PPFIBP2: variants seen among roughly 807,000 people sequenced by gnomAD.
PPFIBP2 encodes the protein PPFIB scaffold protein 2.
A neutral mutation model predicts 118.3 loss-of-function variants in PPFIBP2; 118 were observed. The observed-to-expected ratio is 1.00, with a 90% confidence interval of 0.86 to 1.16. The LOEUF (loss-of-function observed/expected upper bound fraction) is 1.16. Ranked by LOEUF, PPFIBP2 falls within the 50% of genes most tolerant of loss-of-function variation. The pLI, the probability that PPFIBP2 is intolerant of heterozygous loss-of-function variation, is 0.00. For missense variants in PPFIBP2, 1,195 were observed against 1,073.1 expected (o/e 1.11, Z -1.59); for synonymous variants, 414 against 397.4 (o/e 1.04, Z -0.50).
At chr11:7,559,649 G>T (rs1464435924) in intron 2 of PPFIBP2, among the ~76,000 whole-genome samples, 1 of 152,146 alleles carries the variant, frequency 6.6e-6, no homozygotes, top group Non-Finnish European at 1.5e-5. Context: ...TTAGCATACT[G>T]CAAGCTTCCC....
chr11:7,594,110 A>G lies in PPFIBP2; in HGVS notation c.372+886A>G, dbSNP rs1299805272. ...CTATGGGCTTTAGCTTGGAGCACTAAGGTTATGAGGTGGCAGTGTGTTTGT... is the reference window on the plus strand; with the variant it reads ...CTATGGGCTTTAGCTTGGAGCACTAGGGTTATGAGGTGGCAGTGTGTTTGT... On this transcript the variant is annotated intron_variant, in intron 4 of 23. Coordinates refer to ENST00000299492, the MANE Select transcript of PPFIBP2 (RefSeq NM_003621.5). 3.3e-4 allele frequency among the ~76,000 whole-genome samples: 50 copies of G among 152,132 alleles called. 1 individual carries two copies. Among genetic ancestry groups the G allele is most frequent in the Admixed American group, 3.3e-3 (50 of 15,272 alleles).
At chr11:7,527,909 C>T (rs1298724789) in intron 1 of PPFIBP2, among the ~76,000 whole-genome samples, 1 of 152,142 alleles carries the variant, frequency 6.6e-6, no homozygotes, top group Non-Finnish European at 1.5e-5. Flanking sequence ...ATGAAGTACC[C>T]ATCATGCATC....
chr11:7,551,099 G>T (rs995057444), intron 2 of PPFIBP2, among the ~76,000 whole-genome samples: 6 of 152,070 alleles, frequency 3.9e-5, no homozygotes, highest in African/African-American at 1.4e-4. Flanking sequence ...CTGGAATACA[G>T]ATGTCCTGTT....
chr11:7,544,642 C>T lies in PPFIBP2; in HGVS notation c.-36-4798C>T, dbSNP rs142111257. ...ACAGAAAATTAGCCAGGCGTGGTGG[C>T]GGGCACCTGTAGTCCTAGCTACTCG... is the stretch of plus-strand genomic sequence containing the variant. On this transcript the variant is annotated intron_variant, in intron 1 of 23. Coordinates refer to ENST00000299492, the MANE Select transcript of PPFIBP2 (RefSeq NM_003621.5). Among the ~76,000 whole-genome samples, 718 of 151,870 alleles carry T rather than the reference C, an allele frequency of 4.7e-3. 11 individuals are homozygous for T. The highest frequency in any genetic ancestry group is 0.016 in the African/African-American group (679 of 41,380).
At chr11:7,655,563 G>A, downstream of PPFIBP2, 1 of 1,212,078 alleles carries the variant, frequency 8.3e-7, no homozygotes, top group Non-Finnish European at 1.1e-6. Context: ...GTTTGGTGTG[G>A]TGTGGTGTGG....
chr11:7,652,616 C>A (rs532494930), intron 23 of PPFIBP2, among the ~76,000 whole-genome samples: 1 of 152,200 alleles, frequency 6.6e-6, no homozygotes, highest in Admixed American at 6.5e-5. Context: ...CTATCCTACG[C>A]GCCTTTAGAT....
rs1860378921 is a variant in PPFIBP2, at chr11:7,596,681, AC to A, written c.373-877del. On this transcript the variant is annotated intron_variant, in intron 4 of 23. Transcript: ENST00000299492. ...CTATATGTAAATGGCAACAACTCTAACCAAAAAGGTCTAAAGGATCTCAGTT... is the reference window on the plus strand; with the variant it reads ...CTATATGTAAATGGCAACAACTCTAACAAAAAGGTCTAAAGGATCTCAGTT... 2.0e-5 allele frequency among the ~76,000 whole-genome samples: 3 copies of A among 152,214 alleles called. No homozygotes were observed. In the South Asian group the frequency reaches 6.2e-4, roughly 32 times the overall value.
chr11:7,528,041 T>C (rs1465245571), intron 1 of PPFIBP2, among the ~76,000 whole-genome samples: 1 of 152,124 alleles, frequency 6.6e-6, no homozygotes, highest in East Asian at 1.9e-4. Context: ...AGGTGGTGAG[T>C]GGCCAAAATA....
intron 10 of PPFIBP2, among the ~76,000 whole-genome samples, 194 bp from the exon 11 acceptor site, chr11:7,630,731 G>A (rs551731848): frequency 5.3e-5 from 8 of 152,166 alleles, no homozygotes; most frequent in Non-Finnish European, 5.9e-5. Flanking sequence ...GATAAACTTT[G>A]ACCTTGAAAT....
Position 7,650,965 on chromosome 11 carries a change from T to C in PPFIBP2, c.2247T>C (p.Ile749=). The change falls in exon 22 of 24, where the codon ATT becomes ATC. Residue 749 remains isoleucine (I), a splice_region_variant and synonymous_variant. Transcript: ENST00000299492. ...GGAGTGGAGTCCATGGAGGCCTCAT[T>C]GTGAGTGGCTCTCTGGCCTAGCCCA... is the stretch of plus-strand genomic sequence containing the variant. The part of the protein sequence containing the change: ...LRGSGVHGGL[I]ILEPRFTGDT... 6.2e-7 allele frequency: 1 copy of C among 1,612,856 alleles called. No individual in the cohort carries two copies. The highest frequency in any genetic ancestry group is 2.2e-5 in the East Asian group (1 of 44,876).
chr11:7,599,337 C>T (rs1194612030), intron 5 of PPFIBP2, among the ~76,000 whole-genome samples: 1 of 152,122 alleles, frequency 6.6e-6, no homozygotes, highest in Admixed American at 6.5e-5. Flanking sequence ...CGGAAGGGAA[C>T]GTGTCAGAAG....
intron 2 of PPFIBP2, among the ~76,000 whole-genome samples, chr11:7,562,414 C>T (rs1564975625): frequency 6.6e-6 from 1 of 152,196 alleles, no homozygotes; most frequent in African/African-American, 2.4e-5. Context: ...GAGTGAGTGG[C>T]CTGATACAAT....
chr11:7,656,835 G>C (rs1400531595), downstream of PPFIBP2: 1 of 1,284,544 alleles, frequency 7.8e-7, no homozygotes, highest in Admixed American at 2.3e-5. Flanking sequence ...AGGCATGTGT[G>C]GGGGCCCCGG....
At chr11:7,570,291 A>T (rs143341116) in intron 3 of PPFIBP2, among the ~76,000 whole-genome samples, 21 of 152,324 alleles carry the variant, frequency 1.4e-4, no homozygotes, top group African/African-American at 5.1e-4. Flanking sequence ...GCTGATACAC[A>T]GTGTTGATTC....
chr11:7,657,267 C>T (rs1590845862), downstream of PPFIBP2: 1 of 161,118 alleles, frequency 6.2e-6, no homozygotes, highest in East Asian at 1.8e-4. Context: ...GGGGCTGCTT[C>T]ACAGAACGTG....
downstream of PPFIBP2, among the ~76,000 whole-genome samples, chr11:7,660,408 G>A (rs535649769): frequency 2.6e-5 from 1 of 38,982 alleles, no homozygotes; most frequent in South Asian, 8.6e-4. Flanking sequence ...TGAGATAATC[G>A]TGGTTTTTGT....
intron 1 of PPFIBP2, among the ~76,000 whole-genome samples, chr11:7,529,629 C>T (rs1263870716): frequency 2.0e-5 from 3 of 152,170 alleles, no homozygotes; most frequent in African/African-American, 7.2e-5. Context: ...AAGACTTGGC[C>T]CTTCCCCTCC....
At chr11:7,559,588 G>A (rs1414235318) in intron 2 of PPFIBP2, among the ~76,000 whole-genome samples, 2 of 152,162 alleles carry the variant, frequency 1.3e-5, no homozygotes, top group African/African-American at 4.8e-5. Flanking sequence ...GTCTCACTGG[G>A]GGGTGAGGGA....
chr11:7,604,600 A>C (rs545261123), intron 5 of PPFIBP2, among the ~76,000 whole-genome samples: 4 of 150,832 alleles, frequency 2.7e-5, no homozygotes, highest in South Asian at 2.1e-4. Context: ...ACACACACAC[A>C]CCCCCACACC....
Sources: allele counts gnomAD v4.1 joint callset (sites outside exome capture counted in the v4.1 genomes callset), GRCh38; gene constraint gnomAD v4.1.1; transcripts MANE v1.5; gene names NCBI Gene and HGNC (gene_info 2026-07-23, HGNC 2026-07-21).